Variants in SMPD3 observed in about 807,000 individuals in gnomAD.
The protein encoded by SMPD3 is sphingomyelin phosphodiesterase 3, also known as nSMase-2.
SMPD3 carries 21 observed loss-of-function variants against 55.7 expected under a neutral mutation model. The ratio of observed to expected loss-of-function variants is 0.38; its 90% CI spans 0.27 to 0.54. The LOEUF (loss-of-function observed/expected upper bound fraction) is 0.54, where lower values mean the gene tolerates loss of function less well. Ranked by LOEUF, SMPD3 falls within the 20% of genes least tolerant of loss-of-function variation. SMPD3 has a pLI of 0.80. For missense variants in SMPD3, 842 were observed against 899.6 expected (o/e 0.94, Z 0.82); for synonymous variants, 457 against 404.3 (o/e 1.13, Z -1.56).
At chr16:68,411,192 C>G (rs2090297181) in intron 1 of SMPD3, among the ~76,000 whole-genome samples, 1 of 152,212 alleles carries the variant, frequency 6.6e-6, no homozygotes, top group South Asian at 2.1e-4. Context: ...AGCACAGTGC[C>G]CTCCCCCAAC....
chr16:68,381,430 G>A (rs1023795731), intron 2 of SMPD3, among the ~76,000 whole-genome samples: 3 of 152,188 alleles, frequency 2.0e-5, no homozygotes, highest in Non-Finnish European at 4.4e-5. Flanking sequence ...TTCCAAGCCC[G>A]AGACAGGACT....
At chr16:68,409,803 C>T (rs879890004) in intron 1 of SMPD3, among the ~76,000 whole-genome samples, 3 of 152,156 alleles carry the variant, frequency 2.0e-5, no homozygotes, top group Admixed American at 6.5e-5. Flanking sequence ...CTGTTTTAGC[C>T]GGGATGGTCT....
At chr16:68,434,606 G>A (rs896662627) in intron 1 of SMPD3, among the ~76,000 whole-genome samples, 8 of 152,206 alleles carry the variant, frequency 5.3e-5, no homozygotes, top group South Asian at 4.1e-4. Flanking sequence ...TACATTTATC[G>A]TCATAACCAT....
chr16:68,420,195 A>G (rs1304981533), intron 1 of SMPD3, among the ~76,000 whole-genome samples: 3 of 152,104 alleles, frequency 2.0e-5, no homozygotes, highest in Non-Finnish European at 4.4e-5. Flanking sequence ...CATCTGCCTC[A>G]GCCTCCCAAA....
chr16:68,401,564 C>T (rs188032822), intron 1 of SMPD3, among the ~76,000 whole-genome samples: 3 of 152,124 alleles, frequency 2.0e-5, no homozygotes, highest in Admixed American at 6.5e-5. Flanking sequence ...GGAGGTGGGA[C>T]AGGGCATGTC....
intron 1 of SMPD3, among the ~76,000 whole-genome samples, chr16:68,446,963 G>A (rs963926156): frequency 4.1e-4 from 62 of 152,310 alleles, no homozygotes; most frequent in African/African-American, 1.2e-3. Context: ...TGGCTCAGCC[G>A]CCTCCTCCCT....
chr16:68,372,055 A>G lies in SMPD3; in HGVS notation c.127T>C (p.Tyr43His), dbSNP rs1226868776. 6.2e-7 allele frequency: 1 copy of G among 1,608,592 alleles called. No individual in the cohort carries two copies. Among genetic ancestry groups the G allele is most frequent in the Non-Finnish European group, 8.5e-7 (1 of 1,178,244 alleles). Residue 43 changes from tyrosine to histidine, a missense_variant, in exon 3 of 9, where the codon TAC becomes CAC. Transcript: ENST00000219334. Reference sequence around the variant, plus strand: ...TCGTCTGCCCGCTGGCGCTTCTCGTAGGTGGTGGGTATGAAGGAGGCAGCG... The same window carrying G: ...TCGTCTGCCCGCTGGCGCTTCTCGTGGGTGGTGGGTATGAAGGAGGCAGCG... ...RLAASFIPTT[Y>H]EKRQRADDPC...
intron 8 of SMPD3, 30 bp downstream of exon 8, chr16:68,361,573 G>A (rs1253944972): frequency 3.1e-6 from 5 of 1,602,178 alleles, no homozygotes; most frequent in Middle Eastern, 1.6e-4. Flanking sequence ...CTCTTTGCAT[G>A]GCCCTGGCTG....
intron 1 of SMPD3, among the ~76,000 whole-genome samples, chr16:68,398,873 G>A (rs2090182842): frequency 6.6e-6 from 1 of 152,224 alleles, no homozygotes; most frequent in Non-Finnish European, 1.5e-5. Context: ...CTGTGGCAGA[G>A]CACACCGAAG....
chr16:68,405,338 C>G (rs1366088154), intron 1 of SMPD3, among the ~76,000 whole-genome samples: 2 of 151,870 alleles, frequency 1.3e-5, no homozygotes, highest in Non-Finnish European at 2.9e-5. Context: ...ATCTCTTGAG[C>G]TCAGGAGTTC....
intron 2 of SMPD3, among the ~76,000 whole-genome samples, chr16:68,383,455 C>T (rs986925179): frequency 2.0e-5 from 3 of 152,208 alleles, no homozygotes; most frequent in Admixed American, 6.5e-5. Flanking sequence ...CAGTTTCAAC[C>T]AGATTGGCCT....
At chr16:68,433,217 A>C (rs2090494117) in intron 1 of SMPD3, among the ~76,000 whole-genome samples, 1 of 152,206 alleles carries the variant, frequency 6.6e-6, no homozygotes, top group Admixed American at 6.5e-5. Context: ...GTGATGATTT[A>C]TTCTGATTCT....
chr16:68,401,451 T>C (rs1427149384), intron 1 of SMPD3, among the ~76,000 whole-genome samples: 3 of 151,448 alleles, frequency 2.0e-5, no homozygotes, highest in Non-Finnish European at 2.9e-5. Context: ...TTGGGGGTGA[T>C]AGGGGTATAG....
At chr16:68,362,390 G>A (rs1020990719) in intron 7 of SMPD3, among the ~76,000 whole-genome samples, 19 of 152,252 alleles carry the variant, frequency 1.2e-4, no homozygotes, top group African/African-American at 3.9e-4. Context: ...GCAGGGCGCT[G>A]GAGCAGGGGG....
Position 68,370,735 on chromosome 16 carries a change from C to A in SMPD3, c.1323+124G>T, listed in dbSNP as rs1005155359. 3.1e-6 allele frequency: 4 copies of A among 1,297,826 alleles called. No homozygotes were observed. The African/African-American group carries it at 4.5e-5, about 14-fold the overall frequency. 80.4% of individuals were successfully genotyped at this position (1,297,826 alleles called of 1,614,324 possible). A position where few individuals can be genotyped will look rare whatever the true frequency, so the allele number is the denominator to read the frequency against. On this transcript the variant is annotated intron_variant, in intron 3 of 8. Transcript: ENST00000219334. Reference sequence around the variant, plus strand: ...TTGGCTCCAGGAAAGACCGCGTCTGCCTCCCACTCCAACCTCCCACTCCAG... The same window carrying A: ...TTGGCTCCAGGAAAGACCGCGTCTGACTCCCACTCCAACCTCCCACTCCAG...
At chr16:68,418,380 AG>A (rs1323620089) in intron 1 of SMPD3, among the ~76,000 whole-genome samples, 1 of 152,106 alleles carries the variant, frequency 6.6e-6, no homozygotes, top group African/African-American at 2.4e-5. Context: ...AAAAAAAAAA[AG>A]GTTGTAGATG....
intron 1 of SMPD3, among the ~76,000 whole-genome samples, chr16:68,398,107 C>T (rs1172682858): frequency 6.6e-6 from 1 of 152,082 alleles, no homozygotes; most frequent in Non-Finnish European, 1.5e-5. Flanking sequence ...GCTGTGGCCA[C>T]CTGGGCCCCT....
At chr16:68,412,336 C>T (rs543168010) in intron 1 of SMPD3, among the ~76,000 whole-genome samples, 2 of 152,318 alleles carry the variant, frequency 1.3e-5, no homozygotes, top group African/African-American at 4.8e-5. Context: ...AGGAAACCCA[C>T]AGCCAGGGTG....
intron 1 of SMPD3, among the ~76,000 whole-genome samples, chr16:68,433,574 G>A (rs1369264607): frequency 6.6e-6 from 1 of 152,236 alleles, no homozygotes; most frequent in African/African-American, 2.4e-5. Context: ...GCTATGTCTT[G>A]GGACAACCAC....
Sources: allele counts gnomAD v4.1 joint callset (sites outside exome capture counted in the v4.1 genomes callset), GRCh38; gene constraint gnomAD v4.1.1; transcripts MANE v1.5; gene names NCBI Gene and HGNC (gene_info 2026-07-23, HGNC 2026-07-21).